The following IGF2BP3 variants were observed in gnomAD, a reference collection of about 807,000 sequenced individuals.
IGF2BP3 encodes the protein insulin-like growth factor 2 mRNA-binding protein 3.
IGF2BP3 carries 9 observed loss-of-function variants against 73.8 expected under a neutral mutation model. That is an observed-to-expected ratio of 0.12 (90% CI 0.07 to 0.21). The LOEUF (loss-of-function observed/expected upper bound fraction) is 0.21. Among genes scored for constraint, IGF2BP3 ranks in the 10% least tolerant of loss-of-function variants. The pLI, the probability that IGF2BP3 is intolerant of heterozygous loss-of-function variation, is 1.00. For synonymous variants in IGF2BP3, 258 were observed against 256.7 expected, an observed-to-expected ratio of 1.01 and a Z score of -0.05; for missense variants, 542 against 714.0, an observed-to-expected ratio of 0.76 and a Z score of 2.75.
intron 10 of IGF2BP3, among the ~76,000 whole-genome samples, chr7:23,328,927 G>A (rs933943928): frequency 1.3e-5 from 2 of 152,014 alleles, no homozygotes; most frequent in Admixed American, 1.3e-4. Flanking sequence ...TTTAAAACAA[G>A]AGCCGGGCGC....
chr7:23,429,108 T>C (rs944521173), intron 2 of IGF2BP3, among the ~76,000 whole-genome samples: 7 of 152,192 alleles, frequency 4.6e-5, no homozygotes, highest in African/African-American at 4.8e-5. Flanking sequence ...GACTACAATC[T>C]GGTCACTAGA....
intron 3 of IGF2BP3, among the ~76,000 whole-genome samples, chr7:23,371,897 A>C (rs906756761): frequency 3.9e-5 from 6 of 152,200 alleles, no homozygotes; most frequent in Non-Finnish European, 7.3e-5. Flanking sequence ...CTGAGAGAGA[A>C]CAGTCCAACA....
intron 10 of IGF2BP3, among the ~76,000 whole-genome samples, chr7:23,338,164 G>A (rs1344570053): frequency 6.6e-6 from 1 of 152,110 alleles, no homozygotes; most frequent in Non-Finnish European, 1.5e-5. Flanking sequence ...GAGTTGGGAT[G>A]GCAGGTGGTC....
intron 3 of IGF2BP3, among the ~76,000 whole-genome samples, chr7:23,387,829 T>G (rs561445856): frequency 6.6e-6 from 1 of 152,310 alleles, no homozygotes; most frequent in African/African-American, 2.4e-5. Context: ...ATGGCAAGGA[T>G]GCAGAGCAAT....
intron 3 of IGF2BP3, among the ~76,000 whole-genome samples, chr7:23,394,867 C>T (rs1219673088): frequency 2.0e-5 from 3 of 152,104 alleles, no homozygotes; most frequent in Non-Finnish European, 4.4e-5. Flanking sequence ...GGAAAGATAC[C>T]ATGTAAATTA....
chr7:23,421,159 GCCATC>G (rs1787333638), intron 2 of IGF2BP3, among the ~76,000 whole-genome samples: 2 of 151,948 alleles, frequency 1.3e-5, no homozygotes, highest in African/African-American at 4.8e-5. Context: ...GCAGGCATGC[GCCATC>G]ACACCCAGCT....
chr7:23,361,544 G>T lies in IGF2BP3; in HGVS notation c.391C>A (p.Gln131Lys). 1 of 1,611,284 alleles carries T rather than the reference G, an allele frequency of 6.2e-7. No homozygotes were observed. Among genetic ancestry groups the T allele is most frequent in the Non-Finnish European group, 8.5e-7 (1 of 1,178,672 alleles). The change falls in exon 5 of 15, where the codon CAA (glutamine) becomes AAA (lysine). Residue 131 changes from glutamine to lysine, a missense_variant. By Grantham distance (53) the Gln-to-Lys change is moderately conservative. Transcript: ENST00000258729. ...CTTCAAGCTGCTTACTGTCTAGCTTGGTCCTTACTGGAATAGGTTACATTT... is the reference window on the plus strand; with the variant it reads ...CTTCAAGCTGCTTACTGTCTAGCTTTGTCCTTACTGGAATAGGTTACATTT... The part of the protein sequence containing the change: ...VVNVTYSSKD[Q>K]ARQALDKLNG...
intron 10 of IGF2BP3, among the ~76,000 whole-genome samples, chr7:23,339,614 T>C (rs1412352226): frequency 1.3e-5 from 2 of 152,194 alleles, no homozygotes; most frequent in East Asian, 1.9e-4. Context: ...GATTGGAACA[T>C]GTCACCAGTA....
chr7:23,347,934 C>T, intron 6 of IGF2BP3, 200 bp from the exon 7 acceptor site: 1 of 548,564 alleles, frequency 1.8e-6, no homozygotes, highest in Non-Finnish European at 3.2e-6. Context: ...ATTCCCCTTT[C>T]TCTTTCCTCA....
At chr7:23,342,240 A>C (rs748958157) in intron 9 of IGF2BP3, 51 bp from the exon 10 acceptor site, 7 of 1,600,952 alleles carry the variant, frequency 4.4e-6, no homozygotes, top group Non-Finnish European at 6.0e-6. Context: ...AATCAAGGGA[A>C]AGTGAGCATT....
At chr7:23,377,465 C>A (rs1462609831) in intron 3 of IGF2BP3, among the ~76,000 whole-genome samples, 1 of 152,126 alleles carries the variant, frequency 6.6e-6, no homozygotes, top group Non-Finnish European at 1.5e-5. Context: ...ATTGAAAAGA[C>A]AAATAATAAC....
intron 1 of IGF2BP3, among the ~76,000 whole-genome samples, chr7:23,468,813 G>T (rs1329518405): frequency 3.3e-5 from 5 of 152,164 alleles, no homozygotes; most frequent in East Asian, 1.9e-4. Context: ...ACCCCTGGGG[G>T]CCACCAACAC....
chr7:23,352,574 T>C (rs759587884), intron 5 of IGF2BP3, among the ~76,000 whole-genome samples: 1 of 152,134 alleles, frequency 6.6e-6, no homozygotes. Context: ...AGGCATGAGC[T>C]ACTGTACCCA....
intron 2 of IGF2BP3, among the ~76,000 whole-genome samples, chr7:23,457,597 T>C (rs1788353743): frequency 6.6e-6 from 1 of 152,258 alleles, no homozygotes; most frequent in Admixed American, 6.5e-5. Flanking sequence ...ATCTGTTGGT[T>C]ACAAAAGAGA....
chr7:23,444,900 T>C (rs1043098438), intron 2 of IGF2BP3, among the ~76,000 whole-genome samples: 78 of 152,242 alleles, frequency 5.1e-4, no homozygotes, highest in African/African-American at 1.9e-3. Flanking sequence ...TTCCCATCTC[T>C]ACTAAAAATT....
Position 23,311,277 on chromosome 7 carries a change from TC to T in IGF2BP3, c.*1084del, listed in dbSNP as rs1188622626. ...CTGAAGTGTAGTGGCAAACTAAGCA[TC>T]CTATAAGACAAGCTAAAGCTTGCTT... On this transcript the variant is annotated 3_prime_UTR_variant, in exon 15 of 15. Coordinates refer to ENST00000258729, the MANE Select transcript of IGF2BP3 (RefSeq NM_006547.3). The T allele has an allele frequency of 6.6e-6, 1 of 152,526 alleles. No individual in the cohort carries two copies. 9.4% of individuals were successfully genotyped at this position (152,526 alleles called of 1,614,324 possible).
At chr7:23,382,505 A>T (rs1785943724) in intron 3 of IGF2BP3, among the ~76,000 whole-genome samples, 1 of 152,180 alleles carries the variant, frequency 6.6e-6, no homozygotes, top group Non-Finnish European at 1.5e-5. Context: ...GCTAAAAACA[A>T]ATTCAAGCAC....
chr7:23,405,647 C>A (rs1786804693), intron 3 of IGF2BP3, among the ~76,000 whole-genome samples: 1 of 152,180 alleles, frequency 6.6e-6, no homozygotes, highest in African/African-American at 2.4e-5. Flanking sequence ...AGTGCGTACC[C>A]TATTGTGAAC....
rs149464494 is a variant in IGF2BP3, at chr7:23,317,069, G to C, written c.1395+570C>G. ...CTAGCAGCCTGGCTGCCAAGTCTCA[G>C]CTCTACCATCTCTCAGTAGACATTG... On this transcript the variant is annotated intron_variant, in intron 12 of 14. Transcript: ENST00000258729. Among the ~76,000 whole-genome samples, 228 of 152,260 alleles carry C rather than the reference G, an allele frequency of 1.5e-3. 2 individuals carry two copies. The highest frequency in any genetic ancestry group is 5.0e-3 in the African/African-American group (209 of 41,560).
Sources: allele counts gnomAD v4.1 joint callset (sites outside exome capture counted in the v4.1 genomes callset), GRCh38; gene constraint gnomAD v4.1.1; transcripts MANE v1.5; gene names NCBI Gene and HGNC (gene_info 2026-07-23, HGNC 2026-07-21).